The following GINS1 variants were observed in gnomAD, a reference collection of about 807,000 sequenced individuals.
GINS1 encodes the protein DNA replication complex GINS protein PSF1.
In GINS1, 26 loss-of-function variants were observed where a neutral mutation model predicts 34.9. That is an observed-to-expected ratio of 0.74 (90% confidence interval 0.55 to 1.03). GINS1 has a LOEUF of 1.03. GINS1 is among the 50% of genes least tolerant of loss of function. The pLI is 0.00. For missense variants in GINS1, 235 were observed against 237.9 expected, an observed-to-expected ratio of 0.99 and a Z score of 0.08; for synonymous variants, 97 against 84.4, an observed-to-expected ratio of 1.15 and a Z score of -0.82.
intron 5 of GINS1, among the ~76,000 whole-genome samples, chr20:25,429,019 T>TGCTCTGTC (rs2090411862): frequency 1.4e-5 from 2 of 137,940 alleles, no homozygotes; most frequent in South Asian, 4.9e-4. Flanking sequence ...AACGAAGTCT[T>TGCTCTGTC]GCTCTGTCGC....
At chr20:25,441,454 C>T (rs1214340588) in intron 5 of GINS1, among the ~76,000 whole-genome samples, 2 of 152,154 alleles carry the variant, frequency 1.3e-5, no homozygotes, top group Non-Finnish European at 2.9e-5. Flanking sequence ...ACATCGTTGT[C>T]TCCCTGCATC....
chr20:25,435,752 G>T (rs2090450617), intron 5 of GINS1, among the ~76,000 whole-genome samples: 1 of 120,086 alleles, frequency 8.3e-6, no homozygotes, highest in Non-Finnish European at 1.7e-5. Flanking sequence ...GCAACAGAGT[G>T]AGATTCCGTC....
intron 5 of GINS1, among the ~76,000 whole-genome samples, chr20:25,428,168 C>T (rs1438738926): frequency 2.0e-5 from 3 of 151,906 alleles, no homozygotes; most frequent in African/African-American, 2.4e-5. Flanking sequence ...CCATCGCACC[C>T]GGCCAATTTT....
Position 25,447,542 on chromosome 20 carries a change from T to C in GINS1, c.*1551T>C, listed in dbSNP as rs1006496324. 2 of 152,226 alleles carry C rather than the reference T, an allele frequency of 1.3e-5. No individual in the cohort carries two copies. Among genetic ancestry groups the C allele is most frequent in the Non-Finnish European group, 2.9e-5 (2 of 68,042 alleles). The allele number at this position is 152,226 out of a possible 1,614,324, so 9.4% of individuals were successfully genotyped here. ...GACTCTGTTTTGTTCCATTGACCTG[T>C]TTTTCTCTCCTGAATGCCAATACCA... On this transcript the variant is annotated 3_prime_UTR_variant, in exon 7 of 7. Coordinates refer to ENST00000262460, the MANE Select transcript of GINS1 (RefSeq NM_021067.5).
intron 1 of GINS1, among the ~76,000 whole-genome samples, chr20:25,410,495 C>T (rs536639670): frequency 2.6e-5 from 4 of 152,256 alleles, no homozygotes; most frequent in Admixed American, 6.5e-5. Flanking sequence ...GGCTGGCCTC[C>T]GACTCAGCGG....
chr20:25,440,697 G>A (rs1048207863), intron 5 of GINS1, among the ~76,000 whole-genome samples: 1 of 151,090 alleles, frequency 6.6e-6, no homozygotes, highest in Non-Finnish European at 1.5e-5. Context: ...TGTAATCCCA[G>A]CTACCCAGGA....
chr20:25,417,531 G>C (rs1431335111), intron 3 of GINS1, among the ~76,000 whole-genome samples: 1 of 152,046 alleles, frequency 6.6e-6, no homozygotes, highest in Non-Finnish European at 1.5e-5. Context: ...GAATACGGTA[G>C]TGTTCTTACT....
In GINS1 at chr20:25,423,452, C is replaced by CTTTTCTTT. The variant is rs1568802527; in HGVS notation, c.331-1755_331-1754insCTTTTTTT. ...AAGGTTATTAAGATATTTTTCTTTTCTTTTTTTTTTTTTTTTTTTTTTTTT... is the reference window on the plus strand; with the variant it reads ...AAGGTTATTAAGATATTTTTCTTTTCTTTTCTTTTTTTTTTTTTTTTTTTTTTTTTTTT... On this transcript the variant is annotated intron_variant, in intron 4 of 6. Transcript: ENST00000262460. Among the ~76,000 whole-genome samples, 41 of 30,002 alleles carry CTTTTCTTT rather than the reference C, an allele frequency of 1.4e-3. 3 individuals carry two copies. In the East Asian group the frequency reaches 0.016, roughly 12 times the overall value. 19.7% of individuals were successfully genotyped at this position (30,002 alleles called of 152,430 possible).
chr20:25,427,869 A>ATTTTTTTTT (rs11411051), intron 5 of GINS1, among the ~76,000 whole-genome samples: 2 of 94,278 alleles, frequency 2.1e-5, no homozygotes, highest in South Asian at 3.8e-4. Flanking sequence ...CCAGTTCGTC[A>ATTTTTTTTT]TTTTTTTTTT....
rs1249368759 is a variant in GINS1, at chr20:25,409,324, CAG to C, written c.75+1430_75+1431del. Among the ~76,000 whole-genome samples the C allele has an allele frequency of 3.3e-5, 5 of 152,258 alleles. No homozygotes were observed. The East Asian group carries it at 7.7e-4, about 23-fold the overall frequency. On this transcript the variant is annotated intron_variant, in intron 1 of 6. Coordinates refer to ENST00000262460, the MANE Select transcript of GINS1 (RefSeq NM_021067.5). ...GGATTGAAGAGAGGAAAGAATGGGA[CAG>C]GGAGATGGCTACTGGGTGGCTGATA...
chr20:25,407,928 C>T (rs188473560), intron 1 of GINS1, 33 bp downstream of exon 1: 38 of 1,530,300 alleles, frequency 2.5e-5, no homozygotes, highest in Non-Finnish European at 3.3e-5. Flanking sequence ...CGGGGCATGC[C>T]GGCGTTGGGC....
chr20:25,446,246 G>A lies in GINS1; in HGVS notation c.*255G>A, dbSNP rs760555617. On this transcript the variant is annotated 3_prime_UTR_variant, in exon 7 of 7. Transcript: ENST00000262460. Reference sequence around the variant, plus strand: ...GAGACTGTCTCACTATGTTGCCCAAGCTGGTCTCAAACTCCTGGCCTCAAG... The same window carrying A: ...GAGACTGTCTCACTATGTTGCCCAAACTGGTCTCAAACTCCTGGCCTCAAG... 1 of 328,392 alleles carries A rather than the reference G, an allele frequency of 3.0e-6. No homozygotes were observed. Among genetic ancestry groups the A allele is most frequent in the Non-Finnish European group, 5.5e-6 (1 of 180,578 alleles). The allele number at this position is 328,392 out of a possible 1,614,324, so 20.3% of individuals were successfully genotyped here.
intron 4 of GINS1, chr20:25,419,706 A>C (rs754729164): frequency 2.4e-6 from 1 of 409,802 alleles, no homozygotes; most frequent in South Asian, 2.1e-5. Context: ...TCTGTTGCCC[A>C]GGCTGGAGTA....
intron 4 of GINS1, among the ~76,000 whole-genome samples, chr20:25,418,733 C>A (rs1334865046): frequency 6.6e-6 from 1 of 152,192 alleles, no homozygotes; most frequent in African/African-American, 2.4e-5. Context: ...TAACTACCTG[C>A]AGTTATTGTC....
intron 5 of GINS1, among the ~76,000 whole-genome samples, chr20:25,435,575 C>T (rs546858915): frequency 1.4e-4 from 21 of 151,680 alleles, no homozygotes; most frequent in Middle Eastern, 3.4e-3. Flanking sequence ...CTGAGCAAAA[C>T]GATGAAACCC....
At chr20:25,434,637 T>A (rs1380060606) in intron 5 of GINS1, among the ~76,000 whole-genome samples, 23 of 152,156 alleles carry the variant, frequency 1.5e-4, no homozygotes, top group Admixed American at 1.5e-3. Flanking sequence ...TGTAGAGATG[T>A]GACCTTGCTA....
intron 2 of GINS1, among the ~76,000 whole-genome samples, chr20:25,414,422 A>G (rs2090307552): frequency 1.3e-5 from 2 of 152,138 alleles, no homozygotes; most frequent in Non-Finnish European, 2.9e-5. Context: ...AATAAAAAAT[A>G]AAAATAGGCT....
intron 5 of GINS1, among the ~76,000 whole-genome samples, chr20:25,425,771 G>A (rs2090387267): frequency 2.0e-5 from 3 of 151,992 alleles, no homozygotes; most frequent in Admixed American, 2.0e-4. Context: ...CTTTCAAGTT[G>A]GTGGATTAGT....
intron 4 of GINS1, among the ~76,000 whole-genome samples, chr20:25,424,625 A>G (rs552044584): frequency 9.2e-5 from 14 of 152,288 alleles, no homozygotes; most frequent in African/African-American, 2.9e-4. Context: ...TAGTTACTCT[A>G]TATTTTCTTC....
Sources: allele counts gnomAD v4.1 joint callset (sites outside exome capture counted in the v4.1 genomes callset), GRCh38; gene constraint gnomAD v4.1.1; transcripts MANE v1.5; gene names NCBI Gene and HGNC (gene_info 2026-07-23, HGNC 2026-07-21).